RIPK1: variants seen among roughly 807,000 people sequenced by gnomAD.
RIPK1 encodes the protein receptor interacting serine/threonine kinase 1.
A neutral mutation model predicts 62.4 loss-of-function variants in RIPK1; 27 were observed. That is an observed-to-expected ratio of 0.43 (90% confidence interval 0.32 to 0.60). The LOEUF is 0.60. Among genes scored for constraint, RIPK1 ranks in the 20% least tolerant of loss-of-function variants. RIPK1 has a pLI of 0.07. For synonymous variants in RIPK1, 287 were observed against 303.2 expected (o/e 0.95, Z 0.55); for missense variants, 735 against 831.0 (o/e 0.88, Z 1.42).
chr6:3,089,668 T>C lies in RIPK1; in HGVS notation c.915+11T>C, dbSNP rs993485442. 5 of 1,397,256 alleles carry C rather than the reference T, an allele frequency of 3.6e-6. No individual in the cohort carries two copies. The highest frequency in any genetic ancestry group is 4.0e-6 in the Non-Finnish European group (4 of 999,244). The allele number at this position is 1,397,256 out of a possible 1,614,324, so 86.6% of individuals were successfully genotyped here. A position where few individuals can be genotyped will look rare whatever the true frequency, so the allele number is the denominator to read the frequency against. ...GTGAAGAGTTTAAAGGTAGGCAATA[T>C]AGCAGATGCTCAAAATATTAACATA... On this transcript the variant is annotated intron_variant, in intron 7 of 10. Coordinates refer to ENST00000259808, the MANE Select transcript of RIPK1 (RefSeq NM_001354930.2).
chr6:3,076,054 C>T (rs938960869), intron 1 of RIPK1, among the ~76,000 whole-genome samples: 2 of 152,108 alleles, frequency 1.3e-5, no homozygotes, highest in African/African-American at 4.8e-5. Context: ...GGTTGGCACT[C>T]CCCTGTGTGA....
rs141950968 is a variant in RIPK1 at position 3,114,101 on chromosome 6, A to T, written c.*762A>T. The T allele has an allele frequency of 6.6e-6, 1 of 152,362 alleles. No homozygotes were observed. Among genetic ancestry groups the T allele is most frequent in the African/African-American group, 2.4e-5 (1 of 41,590 alleles). The allele number at this position is 152,362 out of a possible 1,614,324, so 9.4% of individuals were successfully genotyped here. ...TAAAGGGGTACCAAGGAGGGGGGAA[A>T]CATCAGAATTTCCCAGGCAGTTGTT... On this transcript the variant is annotated 3_prime_UTR_variant, in exon 11 of 11. Coordinates refer to ENST00000259808, the MANE Select transcript of RIPK1 (RefSeq NM_001354930.2). The surrounding 1 kb of genome is among the most constrained non-coding windows in gnomAD (Gnocchi z 5.0).
intron 4 of RIPK1, 104 bp downstream of exon 4, chr6:3,081,220 C>T (rs1166760029): frequency 1.5e-6 from 2 of 1,327,638 alleles, no homozygotes; most frequent in Non-Finnish European, 2.1e-6. Flanking sequence ...GAAGACCTAG[C>T]TCAGCTTATA....
chr6:3,098,955 AGGGGAGTACCT>A (rs1253234546), intron 7 of RIPK1, among the ~76,000 whole-genome samples: 1 of 152,164 alleles, frequency 6.6e-6, no homozygotes, highest in African/African-American at 2.4e-5. Context: ...CTGGCTCAGA[AGGGGAGTACCT>A]GGGGCAAAGG....
At position 3,072,398 on chromosome 6, in the gene RIPK1, T is replaced by TATAC. The variant is rs1295790012; in HGVS notation, c.-61+3740_-61+3741insCATA. On this transcript the variant is annotated intron_variant, in intron 1 of 10. Transcript: ENST00000259808. This position sits in a 1 kb window ranked among gnomAD's most constrained non-coding sequence, Gnocchi z 5.6. ...ATATCTTTATCTATTTACATATATA[T>TATAC]ATATATAAAACACACACAAATGTGA... is the stretch of plus-strand genomic sequence containing the variant. 2.3e-4 allele frequency among the ~76,000 whole-genome samples: 35 copies of TATAC among 152,040 alleles called. No homozygotes were observed. Among genetic ancestry groups the TATAC allele is most frequent in the African/African-American group, 8.5e-4 (35 of 41,414 alleles).
chr6:3,066,992 T>C (rs1758406795), upstream of RIPK1, among the ~76,000 whole-genome samples: 1 of 151,816 alleles, frequency 6.6e-6, no homozygotes, highest in Non-Finnish European at 1.5e-5. Context: ...TCATGCATTA[T>C]GTAGTCTTCT....
intron 6 of RIPK1, 46 bp from the exon 7 acceptor site, chr6:3,089,535 T>C (rs1467750105): frequency 3.3e-6 from 3 of 917,694 alleles, no homozygotes; most frequent in East Asian, 5.0e-5. Flanking sequence ...TTTTATTTTA[T>C]GTTAGAAAAT....
At chr6:3,069,132 T>C (rs567323793) in intron 1 of RIPK1, among the ~76,000 whole-genome samples, 11 of 148,716 alleles carry the variant, frequency 7.4e-5, no homozygotes, top group African/African-American at 2.7e-4. Context: ...GAGGGTGGAA[T>C]AGGCAGTCCC....
chr6:3,086,519 G>C (rs1759697975), intron 6 of RIPK1, among the ~76,000 whole-genome samples: 1 of 152,206 alleles, frequency 6.6e-6, no homozygotes, highest in African/African-American at 2.4e-5. Context: ...CCCCACTTCA[G>C]GTTTGGTAAT....
intron 7 of RIPK1, among the ~76,000 whole-genome samples, chr6:3,090,448 G>A (rs1270954246): frequency 3.3e-5 from 5 of 151,950 alleles, no homozygotes; most frequent in Non-Finnish European, 5.9e-5. Flanking sequence ...AAACTCTAAG[G>A]CAAAAAATCA....
chr6:3,100,998 C>A (rs1035058982), intron 7 of RIPK1, among the ~76,000 whole-genome samples: 1 of 152,144 alleles, frequency 6.6e-6, no homozygotes, highest in Non-Finnish European at 1.5e-5. Context: ...AAATACTTTT[C>A]ATATTAGGCT....
At chr6:3,107,175 C>G (rs946463844) in intron 9 of RIPK1, among the ~76,000 whole-genome samples, 1 of 151,854 alleles carries the variant, frequency 6.6e-6, no homozygotes, top group Non-Finnish European at 1.5e-5. Flanking sequence ...TCACTTGAAC[C>G]CTGGAGACAG....
intron 1 of RIPK1, among the ~76,000 whole-genome samples, chr6:3,069,230 G>C (rs1449080660): frequency 6.6e-6 from 1 of 152,258 alleles, no homozygotes; most frequent in Non-Finnish European, 1.5e-5. Flanking sequence ...TCCCTTACCA[G>C]CCCTTTGAAA....
intron 6 of RIPK1, among the ~76,000 whole-genome samples, chr6:3,086,889 T>C (rs1759723261): frequency 6.6e-6 from 1 of 152,246 alleles, no homozygotes; most frequent in Non-Finnish European, 1.5e-5. Flanking sequence ...AGCTTGGTCT[T>C]TCTGGTTGCT....
At chr6:3,112,011 A>T (rs1186263432) in intron 10 of RIPK1, among the ~76,000 whole-genome samples, 1 of 151,956 alleles carries the variant, frequency 6.6e-6, no homozygotes, top group Admixed American at 6.6e-5. Flanking sequence ...GGATTAAGGA[A>T]TTTTTTTTGT....
At chr6:3,068,706 G>C (rs1188642655) in intron 1 of RIPK1, 45 bp downstream of exon 1, 15 of 980,402 alleles carry the variant, frequency 1.5e-5, no homozygotes, top group Non-Finnish European at 1.7e-5. Context: ...GAGGCCGCCG[G>C]GCTCAGTCCC....
Position 3,085,303 on chromosome 6 carries a change from A to C in RIPK1, c.733A>C (p.Asn245His). 1 of 1,614,210 alleles carries C rather than the reference A, an allele frequency of 6.2e-7. No individual in the cohort carries two copies. The highest frequency in any genetic ancestry group is 1.1e-5 in the South Asian group (1 of 91,082). Residue 245 changes from asparagine (N) to histidine (H), a missense_variant, in exon 6 of 11, where the codon AAC becomes CAC. Physicochemically the swap from Asn to His is moderately conservative, Grantham distance 68. This residue lies in a region of RIPK1 where 671 missense variants were observed against 726.2 expected (regional missense o/e 0.92). Transcript: ENST00000259808. The part of the protein sequence containing the change: ...QQLIMCIKSG[N>H]RPDVDDITEY... Reference sequence around the variant, plus strand: ...GTTGATAATGTGCATAAAATCTGGGAACAGGCCAGATGTGGATGACATCAC... The same window carrying C: ...GTTGATAATGTGCATAAAATCTGGGCACAGGCCAGATGTGGATGACATCAC...
At chr6:3,080,893 C>T (rs1281328820) in intron 3 of RIPK1, 86 bp from the exon 4 acceptor site, 2 of 1,358,074 alleles carry the variant, frequency 1.5e-6, no homozygotes, top group African/African-American at 1.5e-5. Flanking sequence ...TCCTCAGGCT[C>T]AGATCCCACC....
At chr6:3,107,313 T>A (rs1004244114) in intron 9 of RIPK1, among the ~76,000 whole-genome samples, 1 of 149,878 alleles carries the variant, frequency 6.7e-6, no homozygotes, top group African/African-American at 2.5e-5. Context: ...TTCCAGCACT[T>A]TGGGAGGCCG....
Sources: allele counts gnomAD v4.1 joint callset (sites outside exome capture counted in the v4.1 genomes callset), GRCh38; gene constraint gnomAD v4.1.1; regional missense constraint gnomAD v4.1.1; non-coding constraint Gnocchi (gnomAD v3.1); transcripts MANE v1.5; gene names NCBI Gene and HGNC (gene_info 2026-07-23, HGNC 2026-07-21).